Variants in HOMER1 observed in about 807,000 individuals in gnomAD.
The protein encoded by HOMER1 is homer protein homolog 1.
Under a neutral mutation model 48.9 loss-of-function variants are expected in HOMER1, and 3 were observed. The ratio of observed to expected loss-of-function variants is 0.06; its 90% CI spans 0.03 to 0.16. The LOEUF (loss-of-function observed/expected upper bound fraction) is 0.16, where lower values mean the gene tolerates loss of function less well. HOMER1 is among the 10% of genes least tolerant of loss of function. The pLI is 1.00. For synonymous variants in HOMER1, 134 were observed against 146.4 expected (o/e 0.92, Z 0.61); for missense variants, 247 against 411.4 (o/e 0.60, Z 3.46).
intron 5 of HOMER1, among the ~76,000 whole-genome samples, chr5:79,433,851 T>C (rs1750492880): frequency 1.3e-5 from 2 of 152,188 alleles, no homozygotes; most frequent in Admixed American, 6.5e-5. Flanking sequence ...TATACTGATA[T>C]AAAGCAAGAC....
chr5:79,409,398 C>A (rs1243932187), intron 5 of HOMER1, among the ~76,000 whole-genome samples: 1 of 150,106 alleles, frequency 6.7e-6, no homozygotes, highest in African/African-American at 2.5e-5. Flanking sequence ...CTCCGTTGCA[C>A]CCCAGCCTCG....
intron 1 of HOMER1, chr5:79,510,327 T>C (rs957721607): frequency 4.5e-6 from 2 of 449,344 alleles, no homozygotes; most frequent in African/African-American, 2.0e-5. Context: ...ATGCATGTTA[T>C]GTGTGGTGCT....
chr5:79,381,489 C>T (rs1213908139), intron 8 of HOMER1, among the ~76,000 whole-genome samples: 2 of 152,108 alleles, frequency 1.3e-5, no homozygotes, highest in Non-Finnish European at 2.9e-5. Context: ...AATAATTCTC[C>T]AGCAATACAT....
chr5:79,424,348 T>C (rs1750184681), intron 5 of HOMER1, among the ~76,000 whole-genome samples: 1 of 152,014 alleles, frequency 6.6e-6, no homozygotes, highest in African/African-American at 2.4e-5. Context: ...ATTTTTACTT[T>C]AGCTTTTCTT....
At chr5:79,464,479 C>G (rs1387484198) in intron 1 of HOMER1, among the ~76,000 whole-genome samples, 1 of 152,136 alleles carries the variant, frequency 6.6e-6, no homozygotes, top group Admixed American at 6.5e-5. Context: ...TACCATTTAA[C>G]TTGATAGGTA....
intron 8 of HOMER1, among the ~76,000 whole-genome samples, chr5:79,384,557 T>G (rs1380970979): frequency 2.0e-5 from 3 of 152,130 alleles, no homozygotes; most frequent in African/African-American, 7.2e-5. Context: ...CACTGCCAAA[T>G]TCTACAAAAC....
chr5:79,379,079 CATATATATATAT>C lies in HOMER1; in HGVS notation c.877-2894_877-2883del, dbSNP rs3082000. On this transcript the variant is annotated intron_variant, in intron 8 of 8. Coordinates refer to ENST00000334082, the MANE Select transcript of HOMER1 (RefSeq NM_004272.5). ...ACTTCTTAGGTGTCTACCTTTTGTC[CATATATATATAT>C]ATATATATATATATATATATATAAA... Among the ~76,000 whole-genome samples the C allele has an allele frequency of 3.2e-3, 174 of 55,212 alleles. 6 individuals carry two copies. Among genetic ancestry groups the C allele is most frequent in the African/African-American group, 8.7e-3 (152 of 17,508 alleles). The allele number at this position is 55,212 out of a possible 152,430, so 36.2% of individuals were successfully genotyped here. A position where few individuals can be genotyped will look rare whatever the true frequency, so the allele number is the denominator to read the frequency against.
At chr5:79,464,883 C>G (rs890482686) in intron 1 of HOMER1, among the ~76,000 whole-genome samples, 2 of 152,170 alleles carry the variant, frequency 1.3e-5, no homozygotes, top group African/African-American at 4.8e-5. Context: ...GGCTACCCAA[C>G]ACATAATTAT....
chr5:79,463,800 T>C (rs1473179355), intron 1 of HOMER1, among the ~76,000 whole-genome samples: 1 of 152,084 alleles, frequency 6.6e-6, no homozygotes, highest in African/African-American at 2.4e-5. Flanking sequence ...TAAGAATAAC[T>C]GCATTGAGAT....
At chr5:79,442,526 C>T (rs1013266584) in intron 4 of HOMER1, among the ~76,000 whole-genome samples, 2 of 152,148 alleles carry the variant, frequency 1.3e-5, no homozygotes, top group African/African-American at 4.8e-5. Context: ...TGGGGAGGTA[C>T]GCAGCAGCAC....
chr5:79,453,187 C>T (rs779834199), intron 2 of HOMER1, among the ~76,000 whole-genome samples: 1 of 151,668 alleles, frequency 6.6e-6, no homozygotes, highest in African/African-American at 2.4e-5. Context: ...CAGAGTGAAA[C>T]GCAAGAAATC....
chr5:79,510,569 G>A (rs1034632158), intron 1 of HOMER1: 2 of 777,214 alleles, frequency 2.6e-6, no homozygotes, highest in Non-Finnish European at 4.6e-6. Context: ...CATGCAGTTT[G>A]CCAAGAAACA....
At chr5:79,430,181 GACAA>G (rs1295457969) in intron 5 of HOMER1, among the ~76,000 whole-genome samples, 1 of 152,008 alleles carries the variant, frequency 6.6e-6, no homozygotes, top group African/African-American at 2.4e-5. Flanking sequence ...ACAACAAAGA[GACAA>G]ACAGTCTAAT....
Position 79,373,223 on chromosome 5 carries a change from A to T in HOMER1, c.*2786T>A, listed in dbSNP as rs978396116. The stretch of plus-strand genomic sequence containing the variant: ...TTTAAATGCTTTTAAATATCTGTAA[A>T]AGACTGGAGGAAAAAAAGATAAAGT... On this transcript the variant is annotated 3_prime_UTR_variant, in exon 9 of 9. Coordinates refer to ENST00000334082, the MANE Select transcript of HOMER1 (RefSeq NM_004272.5). The T allele has an allele frequency of 1.3e-5, 2 of 152,124 alleles. No homozygotes were observed. Among genetic ancestry groups the T allele is most frequent in the Non-Finnish European group, 2.9e-5 (2 of 67,978 alleles). 9.4% of individuals were successfully genotyped at this position (152,124 alleles called of 1,614,324 possible).
chr5:79,439,131 G>T lies in HOMER1; in HGVS notation c.406C>A (p.Leu136Ile), dbSNP rs1339072500. ...CTTTCCGGTGTTAAAGGAGACTGAA[G>T]ATCCCCGCCTGCGGATTCCTTTAAA... ...TPSQESAGGD[L>I]QSPLTPESIN... The change falls in exon 5 of 9, where the codon CTT becomes ATT. Residue 136 changes from leucine (L) to isoleucine (I), a missense_variant. By Grantham distance (5) the Leu-to-Ile change is conservative. Coordinates refer to ENST00000334082, the MANE Select transcript of HOMER1 (RefSeq NM_004272.5). The T allele has an allele frequency of 6.2e-7, 1 of 1,613,932 alleles. No individual in the cohort carries two copies. The highest frequency in any genetic ancestry group is 1.7e-5 in the Admixed American group (1 of 59,984).
chr5:79,403,991 A>G (rs1284273909), intron 5 of HOMER1, among the ~76,000 whole-genome samples: 3 of 152,192 alleles, frequency 2.0e-5, no homozygotes, highest in Non-Finnish European at 4.4e-5. Context: ...GATTTTTCAG[A>G]TTCATGTCTT....
chr5:79,491,373 A>T (rs1331166987), intron 1 of HOMER1, among the ~76,000 whole-genome samples: 1 of 129,240 alleles, frequency 7.7e-6, no homozygotes, highest in Non-Finnish European at 1.6e-5. Flanking sequence ...CCGGAGGTTG[A>T]GGGTGCAGTA....
At chr5:79,446,967 T>G in intron 4 of HOMER1, 86 bp downstream of exon 4, 1 of 848,430 alleles carries the variant, frequency 1.2e-6, no homozygotes, top group Non-Finnish European at 2.0e-6. Flanking sequence ...CATTTCTGTG[T>G]GTACTTTGGA....
chr5:79,439,234 A>AT, intron 4 of HOMER1, 85 bp from the exon 5 acceptor site: 1 of 1,310,258 alleles, frequency 7.6e-7, no homozygotes, highest in South Asian at 1.4e-5. Flanking sequence ...ACTGCCTTTG[A>AT]TGTATGCTTA....
Sources: allele counts gnomAD v4.1 joint callset (sites outside exome capture counted in the v4.1 genomes callset), GRCh38; gene constraint gnomAD v4.1.1; transcripts MANE v1.5; gene names NCBI Gene and HGNC (gene_info 2026-07-23, HGNC 2026-07-21).